The following TMPRSS13 variants were observed in gnomAD, a reference collection of about 807,000 sequenced individuals.
The protein encoded by TMPRSS13 is transmembrane serine protease 13, also known as transmembrane protease serine 13.
In TMPRSS13, 50 loss-of-function variants were observed where a neutral mutation model predicts 68.4. The observed-to-expected ratio is 0.73, with a 90% CI of 0.58 to 0.93. TMPRSS13 has a LOEUF of 0.93. Ranked by LOEUF, TMPRSS13 falls within the 40% of genes least tolerant of loss-of-function variation. The pLI, the probability that TMPRSS13 is intolerant of heterozygous loss-of-function variation, is 0.00. For missense variants in TMPRSS13, 615 were observed against 729.2 expected, an observed-to-expected ratio of 0.84 and a Z score of 1.80; for synonymous variants, 267 against 285.8, an observed-to-expected ratio of 0.93 and a Z score of 0.66.
intron 1 of TMPRSS13, among the ~76,000 whole-genome samples, chr11:117,919,486 C>A (rs1299762114): frequency 6.6e-6 from 1 of 152,272 alleles, no homozygotes; most frequent in African/African-American, 2.4e-5. Flanking sequence ...GAAGGCCCTG[C>A]CCTTCCCTCC....
rs975973438 is a variant in TMPRSS13, at chr11:117,913,812, G to A, written c.774C>T (p.Tyr258=). The change falls in exon 5 of 13, where the codon TAC becomes TAT. Residue 258 remains tyrosine (Y), a synonymous_variant. Coordinates refer to ENST00000524993, the MANE Select transcript of TMPRSS13 (RefSeq NM_001077263.3). ...CCAGCTGCTGGCAGGTCTTCTCTGAGTAGGAGTCATTCCAGTTGCTGCTAC... is the reference window on the plus strand; with the variant it reads ...CCAGCTGCTGGCAGGTCTTCTCTGAATAGGAGTCATTCCAGTTGCTGCTAC... The part of the protein sequence containing the change: ...PICSSNWNDS[Y]SEKTCQQLGF... The A allele has an allele frequency of 1.2e-6, 2 of 1,614,034 alleles. No homozygotes were observed. The highest frequency in any genetic ancestry group is 1.7e-6 in the Non-Finnish European group (2 of 1,180,038).
In TMPRSS13 at chr11:117,922,956, C is replaced by T. The variant is rs1322324739; in HGVS notation, c.22-4118G>A. On this transcript the variant is annotated intron_variant, in intron 1 of 12. Coordinates refer to ENST00000524993, the MANE Select transcript of TMPRSS13 (RefSeq NM_001077263.3). The surrounding 1 kb of genome is among the most constrained non-coding windows in gnomAD (Gnocchi z 4.2). ...CTCTGCAGCTCCCAAGGGTCCTCAC[C>T]CAAGGCTTGTTCAGGGCCCTCCAGA... 2.0e-5 allele frequency among the ~76,000 whole-genome samples: 3 copies of T among 152,206 alleles called. No individual in the cohort carries two copies. The highest frequency in any genetic ancestry group is 7.2e-5 in the African/African-American group (3 of 41,438).
In TMPRSS13 at chr11:117,918,463, G is replaced by A. The variant is rs556386081; in HGVS notation, c.397C>T (p.Arg133Ter). ...GGTGCTGACCTGGCAGGAGATGATC[G>A]GATGGGTACAGCCCCCACTGGTGTT... ...RATPVGAVPI[R>*]SSPARSAPAT... is the part of the protein sequence containing the mutation. Residue 133 changes from arginine (R) to a stop codon, truncating the protein, a stop_gained, in exon 2 of 13, where the codon CGA becomes TGA. Transcript: ENST00000524993. LOFTEE classifies it high-confidence loss of function. 63 of 1,614,058 alleles carry A rather than the reference G, an allele frequency of 3.9e-5. No homozygotes were observed. The highest frequency in any genetic ancestry group is 1.6e-4 in the Middle Eastern group (1 of 6,084).
rs1001541834 is a variant in TMPRSS13 at position 117,910,030 on chromosome 11, T to A, written c.947-62A>T. On this transcript the variant is annotated intron_variant, in intron 7 of 12. Coordinates refer to ENST00000524993, the MANE Select transcript of TMPRSS13 (RefSeq NM_001077263.3). ...TCTCCCAGGGTTCTTTCCGAGCTCCTGATCAGGATGCCTCTGCTGTGCTCC... is the reference window on the plus strand; with the variant it reads ...TCTCCCAGGGTTCTTTCCGAGCTCCAGATCAGGATGCCTCTGCTGTGCTCC... 1.9e-6 allele frequency: 3 copies of A among 1,578,764 alleles called. No individual in the cohort carries two copies. The African/African-American group carries it at 4.0e-5, about 21-fold the overall frequency.
rs3839950 is a variant in TMPRSS13, at chr11:117,902,072, GCACACACA to G, written c.*159_*166del. On this transcript the variant is annotated 3_prime_UTR_variant, in exon 13 of 13. Transcript: ENST00000524993. ...TGGGAGAGTGGCAATGCACACATAT[GCACACACA>G]CACACACACACACACACACACACAG... 4.1e-4 allele frequency: 268 copies of G among 646,732 alleles called. No homozygotes were observed. Among genetic ancestry groups the G allele is most frequent in the African/African-American group, 7.2e-4 (39 of 54,002 alleles). 40.1% of individuals were successfully genotyped at this position (646,732 alleles called of 1,614,324 possible).
At chr11:117,910,790 A>G in intron 6 of TMPRSS13, 40 bp from the exon 7 acceptor site, 1 of 1,578,822 alleles carries the variant, frequency 6.3e-7, no homozygotes, top group Non-Finnish European at 8.6e-7. Context: ...AGGGCACATT[A>G]GCTACCTCCT....
chr11:117,921,965 C>T (rs2057653219), intron 1 of TMPRSS13, among the ~76,000 whole-genome samples: 1 of 152,224 alleles, frequency 6.6e-6, no homozygotes, highest in Non-Finnish European at 1.5e-5. Flanking sequence ...CCCAAACCCT[C>T]CCAGACATCA....
intron 5 of TMPRSS13, among the ~76,000 whole-genome samples, chr11:117,912,922 T>C (rs1019052430): frequency 2.6e-5 from 4 of 152,214 alleles, no homozygotes; most frequent in African/African-American, 7.2e-5. Context: ...CAGGCTTGCA[T>C]AAGGCCACAC....
At chr11:117,902,900 G>T in intron 12 of TMPRSS13, 1 of 902,984 alleles carries the variant, frequency 1.1e-6, no homozygotes, top group South Asian at 4.6e-5. Flanking sequence ...GGAAGTGGGA[G>T]AGGGGACTCT....
At position 117,919,256 on chromosome 11, in the gene TMPRSS13, C is replaced by T. The variant is rs562735235; in HGVS notation, c.22-418G>A. Among the ~76,000 whole-genome samples the T allele has an allele frequency of 1.4e-3, 207 of 152,376 alleles. 1 individual carries two copies. The highest frequency in any genetic ancestry group is 2.2e-3 in the Non-Finnish European group (150 of 68,038). On this transcript the variant is annotated intron_variant, in intron 1 of 12. Coordinates refer to ENST00000524993, the MANE Select transcript of TMPRSS13 (RefSeq NM_001077263.3). Reference sequence around the variant, plus strand: ...ACCCCTTCTGCCCTCTTCCCTTCCACCTCCTACATCCGCATCCTTTTCTTT... The same window carrying T: ...ACCCCTTCTGCCCTCTTCCCTTCCATCTCCTACATCCGCATCCTTTTCTTT...
At chr11:117,905,777 G>A in intron 9 of TMPRSS13, 41 bp from the exon 10 acceptor site, 1 of 1,498,150 alleles carries the variant, frequency 6.7e-7, no homozygotes, top group Non-Finnish European at 9.1e-7. Context: ...GAACAAGGCT[G>A]AGACTTTCAG....
At chr11:117,919,195 A>G (rs2057617726) in intron 1 of TMPRSS13, among the ~76,000 whole-genome samples, 1 of 152,210 alleles carries the variant, frequency 6.6e-6, no homozygotes, top group Non-Finnish European at 1.5e-5. Context: ...GAGACCTCGT[A>G]TCAAGGGAAT....
rs754241395 is a variant in TMPRSS13, at chr11:117,915,518, C to A, written c.557-1004G>T. On this transcript the variant is annotated intron_variant, in intron 3 of 12. Transcript: ENST00000524993. The surrounding 1 kb of genome is among the most constrained non-coding windows in gnomAD (Gnocchi z 4.9). ...TCCTCCCATATCCTGGGCACTCAAC[C>A]CCCGGGGAACCCTGGGCAGTCTCCC... Among the ~76,000 whole-genome samples the A allele has an allele frequency of 1.6e-4, 25 of 152,226 alleles. No individual in the cohort carries two copies. Among genetic ancestry groups the A allele is most frequent in the Non-Finnish European group, 3.2e-4 (22 of 68,040 alleles).
rs140897267 is a variant in TMPRSS13 at position 117,923,275 on chromosome 11, C to T, written c.22-4437G>A. 5.7e-3 allele frequency among the ~76,000 whole-genome samples: 866 copies of T among 152,310 alleles called. 21 individuals carry two copies. Among genetic ancestry groups the T allele is most frequent in the Admixed American group, 0.035 (529 of 15,302 alleles). ...ACACCACAGCTCCCAGGGTTAGATC[C>T]CCCCTGAGGCGAATGGGATGTTTTT... On this transcript the variant is annotated intron_variant, in intron 1 of 12. Transcript: ENST00000524993.
chr11:117,908,812 C>T, intron 8 of TMPRSS13, 28 bp from the exon 9 acceptor site: 1 of 1,563,062 alleles, frequency 6.4e-7, no homozygotes, highest in Non-Finnish European at 8.7e-7. Flanking sequence ...GAGCGTGGTC[C>T]AGTACCTGCC....
intron 9 of TMPRSS13, among the ~76,000 whole-genome samples, chr11:117,906,104 A>G (rs12224796): frequency 0.44 from 67,346 of 152,142 alleles, 15,290 homozygotes; most frequent in East Asian, 0.65. Flanking sequence ...ATGTCTTTCC[A>G]TTAGAACAAG....
intron 9 of TMPRSS13, among the ~76,000 whole-genome samples, chr11:117,907,074 T>C (rs2057470795): frequency 6.6e-6 from 1 of 152,188 alleles, no homozygotes; most frequent in Non-Finnish European, 1.5e-5. Flanking sequence ...TTTCATTCGC[T>C]TTTAGAAATT....
In TMPRSS13 at chr11:117,909,366, C is replaced by G. The variant is rs1024302565; in HGVS notation, c.1109+440G>C. 3.3e-5 allele frequency among the ~76,000 whole-genome samples: 5 copies of G among 152,188 alleles called. No individual in the cohort carries two copies. In the South Asian group the frequency reaches 1.0e-3, roughly 31 times the overall value. ...TGCCCACCAGCCTGGGCTGTGGGCC[C>G]CCAAAGACAATAGACCAGCTGGTGA... On this transcript the variant is annotated intron_variant, in intron 8 of 12. Transcript: ENST00000524993.
rs531217050 is a variant in TMPRSS13, at chr11:117,901,060, C to A, written c.*1179G>T. On this transcript the variant is annotated 3_prime_UTR_variant, in exon 13 of 13. Coordinates refer to ENST00000524993, the MANE Select transcript of TMPRSS13 (RefSeq NM_001077263.3). ...CAGGGCTGCCTGGAAGGCATGGGAC[C>A]ATGTTAGCTTTCTCTCCATAGCAGT... The A allele has an allele frequency of 1.3e-5, 2 of 152,350 alleles. No homozygotes were observed. The highest frequency in any genetic ancestry group is 6.5e-5 in the Admixed American group (1 of 15,304). The allele number at this position is 152,350 out of a possible 1,614,324, so 9.4% of individuals were successfully genotyped here. A position where few individuals can be genotyped will look rare whatever the true frequency, so the allele number is the denominator to read the frequency against.
Sources: gnomAD v4.1 joint callset for allele counts (sites outside exome capture counted in the v4.1 genomes callset) on GRCh38, gnomAD v4.1.1 for gene constraint, Gnocchi (gnomAD v3.1) non-coding constraint, MANE v1.5 for transcripts, NCBI Gene and HGNC (gene_info 2026-07-23, HGNC 2026-07-21) for gene names.